Variants in CNTNAP4 observed in about 807,000 individuals in gnomAD.
CNTNAP4 encodes the protein contactin-associated protein-like 4.
A neutral mutation model predicts 148.4 loss-of-function variants in CNTNAP4; 98 were observed. The observed-to-expected ratio is 0.66, with a 90% CI of 0.56 to 0.78. The LOEUF (loss-of-function observed/expected upper bound fraction) is 0.78. Among genes scored for constraint, CNTNAP4 ranks in the 30% least tolerant of loss-of-function variants. CNTNAP4 has a pLI of 0.00. For missense variants in CNTNAP4, 1,935 were observed against 1,565.6 expected, an observed-to-expected ratio of 1.24 and a Z score of -3.98; for synonymous variants, 730 against 565.1, an observed-to-expected ratio of 1.29 and a Z score of -4.14.
intron 2 of CNTNAP4, among the ~76,000 whole-genome samples, chr16:76,336,700 G>C (rs1964056555): frequency 6.6e-6 from 1 of 152,202 alleles, no homozygotes; most frequent in African/African-American, 2.4e-5. Context: ...CTTGTTTCCA[G>C]ATGGTGTACA....
chr16:76,535,184 C>T (rs773220619), intron 17 of CNTNAP4, among the ~76,000 whole-genome samples: 4 of 152,076 alleles, frequency 2.6e-5, no homozygotes, highest in African/African-American at 9.7e-5. Context: ...AAGGACAAAC[C>T]ACACTTACCC....
At chr16:76,481,828 T>C (rs1296346238) in intron 12 of CNTNAP4, among the ~76,000 whole-genome samples, 2 of 152,036 alleles carry the variant, frequency 1.3e-5, no homozygotes, top group Non-Finnish European at 2.9e-5. Context: ...ACCAGGTGTG[T>C]TCAGAAAACA....
intron 17 of CNTNAP4, among the ~76,000 whole-genome samples, chr16:76,529,843 CTGTGTG>C (rs35748962): frequency 2.0e-5 from 3 of 148,458 alleles, no homozygotes; most frequent in Middle Eastern, 3.4e-3. Flanking sequence ...TGAATCTCAG[CTGTGTG>C]TGTGTGTGTG....
At chr16:76,498,734 G>T in intron 15 of CNTNAP4, 40 bp downstream of exon 15, 2 of 1,537,574 alleles carry the variant, frequency 1.3e-6, no homozygotes, top group Non-Finnish European at 1.8e-6. Flanking sequence ...TTTGAGAAAA[G>T]AACCATGACT....
At chr16:76,401,512 C>G (rs75873272) in intron 3 of CNTNAP4, among the ~76,000 whole-genome samples, 1 of 152,166 alleles carries the variant, frequency 6.6e-6, no homozygotes, top group Non-Finnish European at 1.5e-5. Flanking sequence ...TTGACTTCCT[C>G]TCTTCCTATT....
intron 1 of CNTNAP4, among the ~76,000 whole-genome samples, chr16:76,308,398 A>G (rs891530844): frequency 1.3e-5 from 2 of 152,154 alleles, no homozygotes; most frequent in African/African-American, 2.4e-5. Context: ...ATTTTATTCA[A>G]TCCTAGGTGT....
chr16:76,392,659 G>T (rs971449498), intron 3 of CNTNAP4, among the ~76,000 whole-genome samples: 2 of 152,254 alleles, frequency 1.3e-5, no homozygotes, highest in Middle Eastern at 6.8e-3. Context: ...TGTCATTCGG[G>T]AAATGTGCCT....
chr16:76,411,539 G>A (rs931191478), intron 3 of CNTNAP4, among the ~76,000 whole-genome samples: 5 of 151,348 alleles, frequency 3.3e-5, no homozygotes, highest in African/African-American at 1.2e-4. Flanking sequence ...TGCTAATTGA[G>A]CTCTTTATGG....
At chr16:76,321,953 G>T (rs903730261) in intron 2 of CNTNAP4, among the ~76,000 whole-genome samples, 3 of 152,098 alleles carry the variant, frequency 2.0e-5, no homozygotes, top group Admixed American at 2.0e-4. Flanking sequence ...TGGCACAACT[G>T]GTATGAGTCT....
chr16:76,520,669 A>G (rs1037796813), intron 15 of CNTNAP4, among the ~76,000 whole-genome samples: 9 of 152,196 alleles, frequency 5.9e-5, no homozygotes, highest in African/African-American at 2.2e-4. Context: ...CATTAAAGAA[A>G]ACAGTTTATG....
chr16:76,407,612 T>G (rs920633768), intron 3 of CNTNAP4, among the ~76,000 whole-genome samples: 2 of 152,108 alleles, frequency 1.3e-5, no homozygotes, highest in African/African-American at 4.8e-5. Context: ...AATTGGAGCC[T>G]AAAGATGTGA....
In CNTNAP4 at chr16:76,489,888, G is replaced by A; in HGVS notation, c.2080+5G>A. ...CACGGCTGGTCAATAAGCAAGGTAA[G>A]TAAACCATGGTGTCTGTCTTGTTGC... On this transcript the variant is annotated splice_donor_5th_base_variant and intron_variant, in intron 13 of 23. Coordinates refer to ENST00000611870, the MANE Select transcript of CNTNAP4 (RefSeq NM_033401.5). 1.3e-6 allele frequency: 2 copies of A among 1,532,510 alleles called. No individual in the cohort carries two copies. Among genetic ancestry groups the A allele is most frequent in the Non-Finnish European group, 1.8e-6 (2 of 1,127,756 alleles). 94.9% of individuals were successfully genotyped at this position (1,532,510 alleles called of 1,614,324 possible).
intron 4 of CNTNAP4, among the ~76,000 whole-genome samples, chr16:76,431,797 G>A (rs935519226): frequency 3.0e-5 from 4 of 135,592 alleles, no homozygotes; most frequent in East Asian, 2.0e-4. Flanking sequence ...TCTTTCCTCC[G>A]TTGATCCTTT....
chr16:76,333,953 A>G (rs1335022080), intron 2 of CNTNAP4, among the ~76,000 whole-genome samples: 1 of 151,690 alleles, frequency 6.6e-6, no homozygotes, highest in East Asian at 1.9e-4. Flanking sequence ...CGCCATTCTA[A>G]CTGGTGTGAG....
chr16:76,334,418 C>G (rs373710305), intron 2 of CNTNAP4, among the ~76,000 whole-genome samples: 1 of 152,092 alleles, frequency 6.6e-6, no homozygotes. Context: ...TTGCTGCTCA[C>G]AGACATAATC....
At chr16:76,494,079 C>G (rs376570292) in intron 13 of CNTNAP4, among the ~76,000 whole-genome samples, 2 of 73,920 alleles carry the variant, frequency 2.7e-5, no homozygotes, top group African/African-American at 7.3e-5. Flanking sequence ...AATTTTTCCT[C>G]CATACTTTTT....
At chr16:76,289,701 G>A (rs1446283054) in intron 1 of CNTNAP4, among the ~76,000 whole-genome samples, 1 of 151,914 alleles carries the variant, frequency 6.6e-6, no homozygotes, top group African/African-American at 2.4e-5. Context: ...AGTCTCCCAT[G>A]TAGTGACTAC....
At position 76,448,213 on chromosome 16, in the gene CNTNAP4, C is replaced by T; in HGVS notation, c.740C>T (p.Ser247Leu). 3 of 1,600,730 alleles carry T rather than the reference C, an allele frequency of 1.9e-6. No homozygotes were observed. The highest frequency in any genetic ancestry group is 2.6e-6 in the Non-Finnish European group (3 of 1,170,078). Residue 247 changes from serine (S) to leucine (L), a missense_variant and splice_region_variant, in exon 5 of 24, where the codon TCA (serine) becomes TTA (leucine). Transcript: ENST00000611870. ...RRARLFLLIN[S>L]GEAKLPSTST... ...GCAAGACTCTTTTTACTTATTAATT[C>T]AGGTAAAACTATTCGGTGAAGTGCT... is the stretch of plus-strand genomic sequence containing the variant.
intron 15 of CNTNAP4, among the ~76,000 whole-genome samples, chr16:76,516,440 C>T (rs2083258345): frequency 6.6e-6 from 1 of 152,074 alleles, no homozygotes; most frequent in African/African-American, 2.4e-5. Flanking sequence ...GGGTGTATGC[C>T]CAGTAATGGC....
Sources: gnomAD v4.1 joint callset for allele counts (sites outside exome capture counted in the v4.1 genomes callset) on GRCh38, gnomAD v4.1.1 for gene constraint, MANE v1.5 for transcripts, NCBI Gene and HGNC (gene_info 2026-07-23, HGNC 2026-07-21) for gene names.